Variants in ZNF345 observed in about 807,000 individuals in gnomAD.
The protein encoded by ZNF345 is zinc finger protein HZF10.
For missense variants in ZNF345, 527 were observed against 589.9 expected, an observed-to-expected ratio of 0.89 and a Z score of 1.10; for synonymous variants, 166 against 187.9, an observed-to-expected ratio of 0.88 and a Z score of 0.95.
At chr19:36,888,249 A>C (rs2073015924) in intron 3 of ZNF345, 1 of 152,186 alleles carries the variant, frequency 6.6e-6, no homozygotes, top group Admixed American at 6.5e-5. Flanking sequence ...GTTTGATCAA[A>C]AGTTTGATAA....
chr19:36,856,408 G>A (rs2072419777), intron 2 of ZNF345, among the ~76,000 whole-genome samples: 1 of 151,492 alleles, frequency 6.6e-6, no homozygotes, highest in Admixed American at 6.6e-5. Flanking sequence ...CTCTTACTTT[G>A]TACTGCCTAC....
Position 36,878,198 on chromosome 19 carries a change from TAAG to T in ZNF345, c.1371_1373del (p.Lys457del). 1 of 1,614,150 alleles carries T rather than the reference TAAG, an allele frequency of 6.2e-7. No individual in the cohort carries two copies. The highest frequency in any genetic ancestry group is 1.1e-5 in the South Asian group (1 of 91,082). On this transcript the variant is annotated inframe_deletion, in exon 3 of 3. Coordinates refer to ENST00000420450, the MANE Select transcript of ZNF345 (RefSeq NM_001242472.2). ...ATACAGGTGAGAAACTTTATGAATGTAAGAACTGTGGGAAGGCTTATGGGAGGG... is the reference window on the plus strand; with the variant it reads ...ATACAGGTGAGAAACTTTATGAATGTAACTGTGGGAAGGCTTATGGGAGGG...
downstream of ZNF345, among the ~76,000 whole-genome samples, chr19:36,880,930 A>T (rs938492356): frequency 3.3e-5 from 5 of 149,920 alleles, no homozygotes; most frequent in Non-Finnish European, 7.4e-5. Context: ...ATGTTAAAGA[A>T]ATTATAAATA....
chr19:36,859,065 AC>A (rs1233754096), intron 2 of ZNF345, among the ~76,000 whole-genome samples: 1 of 151,706 alleles, frequency 6.6e-6, no homozygotes, highest in African/African-American at 2.4e-5. Flanking sequence ...ACATACACAT[AC>A]CACGTTTAAT....
At chr19:36,880,622 C>G (rs2072962366), downstream of ZNF345, among the ~76,000 whole-genome samples, 1 of 151,342 alleles carries the variant, frequency 6.6e-6, no homozygotes, top group African/African-American at 2.4e-5. Context: ...GCCCCCATCT[C>G]TACAATAAAA....
downstream of ZNF345, among the ~76,000 whole-genome samples, chr19:36,884,225 C>G (rs1313332774): frequency 6.6e-6 from 1 of 152,064 alleles, no homozygotes; most frequent in Non-Finnish European, 1.5e-5. Context: ...ACCACCATGC[C>G]CAGCTAAATT....
chr19:36,887,446 G>C (rs1163523076), intron 3 of ZNF345, among the ~76,000 whole-genome samples: 1 of 152,122 alleles, frequency 6.6e-6, no homozygotes, highest in African/African-American at 2.4e-5. Flanking sequence ...GGGAAACTAG[G>C]TGTAGGGTAT....
intron 2 of ZNF345, among the ~76,000 whole-genome samples, chr19:36,866,472 C>A (rs2072661981): frequency 6.6e-6 from 1 of 151,994 alleles, no homozygotes; most frequent in Non-Finnish European, 1.5e-5. Flanking sequence ...TGTATAACTC[C>A]CTAAAGAATA....
At chr19:36,868,235 C>T (rs1192209479) in intron 2 of ZNF345, among the ~76,000 whole-genome samples, 2 of 152,154 alleles carry the variant, frequency 1.3e-5, no homozygotes, top group Non-Finnish European at 2.9e-5. Context: ...AACTCCTGAC[C>T]TTGTGATCCA....
rs907020292 is a variant in ZNF345, at chr19:36,878,978, A to T, written c.*681A>T. On this transcript the variant is annotated 3_prime_UTR_variant, in exon 3 of 3. Transcript: ENST00000420450. ...TCAGCTCCCCAGTAGCTGGGACTAC[A>T]GGCGCCCGCCACCACGCCCAGCTAA... The T allele has an allele frequency of 6.2e-6, 1 of 160,446 alleles. No individual in the cohort carries two copies. The highest frequency in any genetic ancestry group is 2.4e-5 in the African/African-American group (1 of 41,396). 9.9% of individuals were successfully genotyped at this position (160,446 alleles called of 1,614,324 possible).
At chr19:36,864,533 T>A (rs56753221) in intron 2 of ZNF345, among the ~76,000 whole-genome samples, 2,597 of 149,078 alleles carry the variant, frequency 0.017, 77 homozygotes, top group African/African-American at 0.06. Flanking sequence ...CTAAAAAATT[T>A]AAAAAAAAAA....
chr19:36,884,815 TCCCAGTA>T, intron 3 of ZNF345, among the ~76,000 whole-genome samples: 1 of 152,152 alleles, frequency 6.6e-6, no homozygotes, highest in Non-Finnish European at 1.5e-5. Context: ...CCAGTGGGCC[TCCCAGTA>T]CCCAAGGTAA....
chr19:36,885,166 T>C (rs1243231819), intron 3 of ZNF345, among the ~76,000 whole-genome samples: 1 of 152,188 alleles, frequency 6.6e-6, no homozygotes, highest in African/African-American at 2.4e-5. Context: ...ACTATACTAA[T>C]GTATTAGTTA....
intron 2 of ZNF345, among the ~76,000 whole-genome samples, chr19:36,856,073 A>G (rs2072412344): frequency 6.6e-6 from 1 of 152,212 alleles, no homozygotes; most frequent in Non-Finnish European, 1.5e-5. Flanking sequence ...ACTTATGTGC[A>G]CAACACTTAA....
chr19:36,877,435 A>C lies in ZNF345; in HGVS notation c.605A>C (p.Tyr202Ser), dbSNP rs778395878. 1 of 1,614,046 alleles carries C rather than the reference A, an allele frequency of 6.2e-7. No homozygotes were observed. The highest frequency in any genetic ancestry group is 1.3e-5 in the African/African-American group (1 of 74,980). The part of the protein sequence containing the change: ...HHRIHTGEKP[Y>S]ECIDCGKAFG... ...AGAATTCACACAGGTGAGAAACCTTATGAATGTATAGATTGTGGTAAAGCC... is the reference window on the plus strand; with the variant it reads ...AGAATTCACACAGGTGAGAAACCTTCTGAATGTATAGATTGTGGTAAAGCC... The change falls in exon 3 of 3, where the codon TAT becomes TCT. Residue 202 changes from tyrosine (Y) to serine (S), a missense_variant. Coordinates refer to ENST00000420450, the MANE Select transcript of ZNF345 (RefSeq NM_001242472.2).
chr19:36,875,718 T>C (rs537998056), intron 2 of ZNF345, among the ~76,000 whole-genome samples: 1 of 152,330 alleles, frequency 6.6e-6, no homozygotes, highest in Admixed American at 6.5e-5. Context: ...TTTCAAGACA[T>C]ATTTAGACCT....
intron 2 of ZNF345, among the ~76,000 whole-genome samples, chr19:36,852,128 CTT>C (rs35747733): frequency 3.9e-5 from 4 of 102,700 alleles, no homozygotes; most frequent in Non-Finnish European, 5.7e-5. Context: ...TTCTTTCTTT[CTT>C]TTTTTTTTTT....
chr19:36,859,050 A>G (rs2072486235), intron 2 of ZNF345, among the ~76,000 whole-genome samples: 1 of 151,834 alleles, frequency 6.6e-6, no homozygotes, highest in Admixed American at 6.6e-5. Context: ...CCTAAAGTAT[A>G]TGGTACATAC....
At chr19:36,853,526 A>G (rs549557991) in intron 2 of ZNF345, among the ~76,000 whole-genome samples, 169 of 152,300 alleles carry the variant, frequency 1.1e-3, no homozygotes, top group South Asian at 5.4e-3. Context: ...GGCATAAGCC[A>G]CCGCACCTGG....
Sources: allele counts gnomAD v4.1 joint callset (sites outside exome capture counted in the v4.1 genomes callset), GRCh38; gene constraint gnomAD v4.1.1; transcripts MANE v1.5; gene names NCBI Gene and HGNC (gene_info 2026-07-23, HGNC 2026-07-21).